TMEM132B: variants seen among roughly 807,000 people sequenced by gnomAD.
TMEM132B encodes the protein transmembrane protein 132B.
TMEM132B carries 18 observed loss-of-function variants against 90.8 expected under a neutral mutation model. The ratio of observed to expected loss-of-function variants is 0.20; its 90% CI spans 0.14 to 0.29. The LOEUF is 0.29. Among genes scored for constraint, TMEM132B ranks in the 10% least tolerant of loss-of-function variants. The pLI is 1.00. For synonymous variants in TMEM132B, 504 were observed against 523.3 expected (o/e 0.96, Z 0.50); for missense variants, 1,096 against 1,326.8 (o/e 0.83, Z 2.70).
intron 1 of TMEM132B, among the ~76,000 whole-genome samples, chr12:125,270,948 G>GTTT (rs35421730): frequency 1.4e-5 from 2 of 145,874 alleles, no homozygotes; most frequent in Non-Finnish European, 3.0e-5. Flanking sequence ...AAACATAGTT[G>GTTT]TTTTTTTTTT....
At position 125,642,929 on chromosome 12, in the gene TMEM132B, T is replaced by TA. The variant is rs199815765; in HGVS notation, c.1438-1146dup. Among the ~76,000 whole-genome samples, 736 of 151,628 alleles carry TA rather than the reference T, an allele frequency of 4.9e-3. 2 individuals are homozygous for TA. The highest frequency in any genetic ancestry group is 0.017 in the African/African-American group (693 of 40,910). ...CATTTCCAAGGAAGCACATTCGTATTAGTGCCATTTTTTTTTGGCGGGGTG... is the reference window on the plus strand; with the variant it reads ...CATTTCCAAGGAAGCACATTCGTATTAAGTGCCATTTTTTTTTGGCGGGGTG... On this transcript the variant is annotated intron_variant, in intron 5 of 8. Transcript: ENST00000682704.
intron 1 of TMEM132B, among the ~76,000 whole-genome samples, chr12:125,282,153 C>T (rs1875207923): frequency 6.6e-6 from 1 of 151,350 alleles, no homozygotes; most frequent in Non-Finnish European, 1.5e-5. Flanking sequence ...TCACATTTGC[C>T]ATCCTTGGTT....
intron 7 of TMEM132B, among the ~76,000 whole-genome samples, 162 bp from the exon 8 acceptor site, chr12:125,652,279 T>C (rs1488445061): frequency 6.6e-6 from 1 of 152,208 alleles, no homozygotes; most frequent in Non-Finnish European, 1.5e-5. Context: ...CCTGTAATTG[T>C]GAAGTGTGAT....
At chr12:125,598,206 A>AT (rs1264183840) in intron 5 of TMEM132B, among the ~76,000 whole-genome samples, 1 of 152,190 alleles carries the variant, frequency 6.6e-6, no homozygotes, top group Non-Finnish European at 1.5e-5. Context: ...ACACGCCATT[A>AT]TTTTAATGAA....
intron 1 of TMEM132B, among the ~76,000 whole-genome samples, chr12:125,230,175 G>A (rs953983886): frequency 5.9e-5 from 9 of 152,248 alleles, no homozygotes; most frequent in Admixed American, 5.2e-4. Context: ...AGGAGACACT[G>A]CAGATTTCCT....
intron 5 of TMEM132B, among the ~76,000 whole-genome samples, chr12:125,642,922 T>C (rs1415758080): frequency 6.6e-6 from 1 of 151,530 alleles, no homozygotes; most frequent in Non-Finnish European, 1.5e-5. Context: ...AGGAAGCACA[T>C]TCGTATTAGT....
intron 4 of TMEM132B, among the ~76,000 whole-genome samples, chr12:125,525,236 A>G (rs1455213191): frequency 6.6e-6 from 1 of 152,170 alleles, no homozygotes; most frequent in Non-Finnish European, 1.5e-5. Context: ...GATCACAAAG[A>G]ATGTATGAAT....
At chr12:125,195,394 GTT>G (rs36005995) in intron 1 of TMEM132B, among the ~76,000 whole-genome samples, 6 of 89,906 alleles carry the variant, frequency 6.7e-5, no homozygotes, top group African/African-American at 1.7e-4. Context: ...GGGTTTGCGG[GTT>G]TTTTTTTTTT....
intron 5 of TMEM132B, among the ~76,000 whole-genome samples, chr12:125,625,731 T>C (rs1232669864): frequency 1.3e-5 from 2 of 152,228 alleles, no homozygotes; most frequent in Non-Finnish European, 2.9e-5. Context: ...TGCCAGACTG[T>C]TTTCAAAGGC....
In TMEM132B at chr12:125,386,481, G is replaced by A. The variant is rs79383096; in HGVS notation, c.960-29050G>A. Among the ~76,000 whole-genome samples, 1,368 of 152,336 alleles carry A rather than the reference G, an allele frequency of 9.0e-3. 17 individuals carry two copies. The highest frequency in any genetic ancestry group is 0.03 in the African/African-American group (1,245 of 41,574). ...TGATTTTGTAGCAATGCCAGCTAAT[G>A]AAAAATACCTATCACACATGAGCAA... is the stretch of plus-strand genomic sequence containing the variant. On this transcript the variant is annotated intron_variant, in intron 2 of 8. Transcript: ENST00000682704.
chr12:125,455,669 ATT>A (rs35613986), intron 3 of TMEM132B, among the ~76,000 whole-genome samples: 4,483 of 139,872 alleles, frequency 0.032, 135 homozygotes, highest in Admixed American at 0.1. Context: ...CAAGGGTTGG[ATT>A]TTTTTTTTTT....
chr12:125,397,530 A>G (rs1246259603), intron 2 of TMEM132B, among the ~76,000 whole-genome samples: 1 of 152,128 alleles, frequency 6.6e-6, no homozygotes, highest in East Asian at 1.9e-4. Flanking sequence ...ATCATGAGAA[A>G]CCCTTTATTG....
intron 5 of TMEM132B, among the ~76,000 whole-genome samples, chr12:125,611,269 T>C (rs1885818017): frequency 6.6e-6 from 1 of 152,264 alleles, no homozygotes; most frequent in South Asian, 2.1e-4. Flanking sequence ...TTACTGACTT[T>C]TATAACTACT....
At chr12:125,547,708 C>A (rs1169855544) in intron 4 of TMEM132B, among the ~76,000 whole-genome samples, 1 of 152,050 alleles carries the variant, frequency 6.6e-6, no homozygotes, top group Non-Finnish European at 1.5e-5. Flanking sequence ...GAACTGAAGC[C>A]CCAAAGGGCC....
intron 3 of TMEM132B, among the ~76,000 whole-genome samples, chr12:125,425,150 C>T (rs1005513209): frequency 1.3e-5 from 2 of 152,094 alleles, no homozygotes; most frequent in African/African-American, 4.8e-5. Context: ...GGTTGCAGTG[C>T]CCCGTTGCTG....
chr12:125,440,609 G>T (rs1880842711), intron 3 of TMEM132B, among the ~76,000 whole-genome samples: 1 of 152,126 alleles, frequency 6.6e-6, no homozygotes, highest in African/African-American at 2.4e-5. Context: ...AGAAGTCTTT[G>T]CTTCCAAGGA....
In TMEM132B at chr12:125,650,752, G is replaced by C; in HGVS notation, c.1713G>C (p.Gln571His). ...KKGRGCSLQY[Q>H]HATVRVLTQF... ...GACGAGGCTGCTCCCTGCAGTACCAGCACGCCACAGTGCGTGTCCTCACCC... is the reference window on the plus strand; with the variant it reads ...GACGAGGCTGCTCCCTGCAGTACCACCACGCCACAGTGCGTGTCCTCACCC... Residue 571 changes from glutamine to histidine, a missense_variant, in exon 7 of 9, where the codon CAG becomes CAC. By Grantham distance (24) the Gln-to-His change is conservative. Transcript: ENST00000682704. The C allele has an allele frequency of 6.2e-7, 1 of 1,614,226 alleles. No individual in the cohort carries two copies. Among genetic ancestry groups the C allele is most frequent in the Non-Finnish European group, 8.5e-7 (1 of 1,180,038 alleles).
intron 3 of TMEM132B, among the ~76,000 whole-genome samples, chr12:125,495,206 C>T (rs1402060642): frequency 3.8e-5 from 5 of 133,298 alleles, no homozygotes; most frequent in Non-Finnish European, 8.1e-5. Context: ...TGGCCGCTTC[C>T]CTCCTCCCCC....
intron 2 of TMEM132B, among the ~76,000 whole-genome samples, chr12:125,368,064 A>G (rs2136264612): frequency 6.6e-6 from 1 of 152,288 alleles, no homozygotes; most frequent in Middle Eastern, 3.4e-3. Flanking sequence ...ATCATCATCT[A>G]ATTAGAGTTG....
Sources: allele counts gnomAD v4.1 joint callset (sites outside exome capture counted in the v4.1 genomes callset), GRCh38; gene constraint gnomAD v4.1.1; transcripts MANE v1.5; gene names NCBI Gene and HGNC (gene_info 2026-07-23, HGNC 2026-07-21).